The following TMTC2 variants were observed in gnomAD, a reference collection of about 807,000 sequenced individuals.
TMTC2 encodes the protein protein O-mannosyl-transferase TMTC2.
Under a neutral mutation model 82.4 loss-of-function variants are expected in TMTC2, and 43 were observed. The ratio of observed to expected loss-of-function variants is 0.52; its 90% CI spans 0.41 to 0.67. TMTC2 has a LOEUF of 0.67. Among genes scored for constraint, TMTC2 ranks in the 30% least tolerant of loss-of-function variants. TMTC2 has a pLI of 0.00. For missense variants in TMTC2, 919 were observed against 1,012.4 expected (o/e 0.91, Z 1.25); for synonymous variants, 408 against 381.9 (o/e 1.07, Z -0.80).
At chr12:82,802,202 A>G (rs1478559555) in intron 1 of TMTC2, among the ~76,000 whole-genome samples, 1 of 152,238 alleles carries the variant, frequency 6.6e-6, no homozygotes, top group East Asian at 1.9e-4. Flanking sequence ...AATCAAGAAC[A>G]GCAGCTGCTG....
intron 8 of TMTC2, among the ~76,000 whole-genome samples, chr12:82,997,618 T>C (rs2137361174): frequency 6.6e-6 from 1 of 151,194 alleles, no homozygotes; most frequent in South Asian, 2.1e-4. Context: ...GAATTTCAAA[T>C]ATGCTGAAAT....
chr12:82,855,785 T>C (rs1421849324), intron 1 of TMTC2, among the ~76,000 whole-genome samples: 1 of 152,246 alleles, frequency 6.6e-6, no homozygotes, highest in Non-Finnish European at 1.5e-5. Flanking sequence ...ATATTCACTT[T>C]TTAATTTTCA....
chr12:83,003,999 A>G (rs2137372677), intron 8 of TMTC2, among the ~76,000 whole-genome samples: 1 of 152,254 alleles, frequency 6.6e-6, no homozygotes, highest in Admixed American at 6.5e-5. Flanking sequence ...CTCTCTCAGG[A>G]ATGCCAGTGA....
intron 4 of TMTC2, among the ~76,000 whole-genome samples, chr12:82,952,062 A>T (rs1017822649): frequency 6.6e-6 from 1 of 152,194 alleles, no homozygotes; most frequent in Admixed American, 6.5e-5. Context: ...TGTCTCTGGT[A>T]TCTCCCGCGG....
chr12:83,025,903 ACTT>A (rs1201223364), intron 8 of TMTC2, among the ~76,000 whole-genome samples: 1 of 152,206 alleles, frequency 6.6e-6, no homozygotes, highest in East Asian at 1.9e-4. Context: ...CAGCATAGGA[ACTT>A]CTGCCCTGCT....
intron 1 of TMTC2, among the ~76,000 whole-genome samples, chr12:82,765,563 A>G (rs1223414926): frequency 1.3e-5 from 2 of 152,094 alleles, no homozygotes; most frequent in Non-Finnish European, 1.5e-5. Flanking sequence ...AATCCCAGCT[A>G]CTCAGGAGGC....
chr12:83,011,473 G>A lies in TMTC2; in HGVS notation c.2071-19325G>A, dbSNP rs79067043. Among the ~76,000 whole-genome samples, 1,497 of 152,298 alleles carry A rather than the reference G, an allele frequency of 9.8e-3. 21 individuals carry two copies. The highest frequency in any genetic ancestry group is 0.035 in the African/African-American group (1,438 of 41,552). On this transcript the variant is annotated intron_variant, in intron 8 of 11. Transcript: ENST00000321196. ...AGGACTTGATAGTCGTTAACCATTA[G>A]CAGTAAGAATGATATTATTGTTATC... is the stretch of plus-strand genomic sequence containing the variant.
At chr12:82,929,495 G>A (rs1419436244) in intron 3 of TMTC2, among the ~76,000 whole-genome samples, 1 of 152,204 alleles carries the variant, frequency 6.6e-6, no homozygotes. Context: ...AGGCAAATCT[G>A]AGATTGAAAG....
At chr12:82,693,553 CAGTT>C (rs931312478) in intron 1 of TMTC2, among the ~76,000 whole-genome samples, 3 of 152,100 alleles carry the variant, frequency 2.0e-5, no homozygotes, top group Non-Finnish European at 2.9e-5. Context: ...ATTTTCAAGA[CAGTT>C]AGGTCCAAAA....
At chr12:82,750,957 G>T (rs1216341004) in intron 1 of TMTC2, among the ~76,000 whole-genome samples, 1 of 152,042 alleles carries the variant, frequency 6.6e-6, no homozygotes, top group African/African-American at 2.4e-5. Context: ...GATGAAGCTG[G>T]GAATTACACC....
chr12:82,821,144 C>T (rs1357637539), intron 1 of TMTC2, among the ~76,000 whole-genome samples: 1 of 152,126 alleles, frequency 6.6e-6, no homozygotes, highest in Non-Finnish European at 1.5e-5. Flanking sequence ...TAGGTATGAA[C>T]CACAGTGCCT....
chr12:82,981,436 A>G (rs1484045469), intron 7 of TMTC2, among the ~76,000 whole-genome samples: 1 of 151,818 alleles, frequency 6.6e-6, no homozygotes, highest in Non-Finnish European at 1.5e-5. Flanking sequence ...CTACATCTGA[A>G]ACTGGTTTAT....
intron 1 of TMTC2, among the ~76,000 whole-genome samples, chr12:82,754,963 A>G (rs1314542615): frequency 6.6e-6 from 1 of 152,250 alleles, no homozygotes; most frequent in Non-Finnish European, 1.5e-5. Flanking sequence ...GGTGTTATGC[A>G]AGGCATAATT....
At chr12:82,915,710 T>C (rs1874962086) in intron 3 of TMTC2, among the ~76,000 whole-genome samples, 1 of 152,240 alleles carries the variant, frequency 6.6e-6, no homozygotes, top group Admixed American at 6.5e-5. Context: ...CTCTTGGTCT[T>C]TCTAAGGGTT....
At chr12:82,751,254 G>A (rs1014205932) in intron 1 of TMTC2, among the ~76,000 whole-genome samples, 2 of 151,992 alleles carry the variant, frequency 1.3e-5, no homozygotes, top group Non-Finnish European at 2.9e-5. Context: ...GGATGAAATT[G>A]GAAATTATCA....
At chr12:82,915,045 G>A (rs1282441712) in intron 3 of TMTC2, among the ~76,000 whole-genome samples, 1 of 151,820 alleles carries the variant, frequency 6.6e-6, no homozygotes, top group African/African-American at 2.4e-5. Context: ...GGCTGGTCTC[G>A]AACTCCTGAC....
At chr12:82,814,173 A>C (rs1415151175) in intron 1 of TMTC2, among the ~76,000 whole-genome samples, 2 of 152,148 alleles carry the variant, frequency 1.3e-5, no homozygotes, top group Non-Finnish European at 2.9e-5. Flanking sequence ...CTGCAAAGTA[A>C]ATTTTATTAA....
At chr12:82,817,821 GTC>G (rs1195481234) in intron 1 of TMTC2, among the ~76,000 whole-genome samples, 8 of 152,092 alleles carry the variant, frequency 5.3e-5, no homozygotes, top group Non-Finnish European at 1.0e-4. Flanking sequence ...TGCCTTTTGT[GTC>G]TCTTCATTTT....
rs11115436 is a variant in TMTC2, at chr12:82,807,198, T to G, written c.84-49812T>G. ...TGATTGTGTTCATTGTCAAATGATT[T>G]TTCACTTTATAAAGGGATTTACCCA... is the stretch of plus-strand genomic sequence containing the variant. On this transcript the variant is annotated intron_variant, in intron 1 of 11. Coordinates refer to ENST00000321196, the MANE Select transcript of TMTC2 (RefSeq NM_152588.3). Among the ~76,000 whole-genome samples the G allele has an allele frequency of 4.9e-3, 742 of 152,290 alleles. 6 individuals carry two copies. Among genetic ancestry groups the G allele is most frequent in the African/African-American group, 0.017 (703 of 41,568 alleles).
Sources: gnomAD v4.1 joint callset for allele counts (sites outside exome capture counted in the v4.1 genomes callset) on GRCh38, gnomAD v4.1.1 for gene constraint, MANE v1.5 for transcripts, NCBI Gene and HGNC (gene_info 2026-07-23, HGNC 2026-07-21) for gene names.